Variants in RBM6 observed in about 807,000 individuals in gnomAD.
The protein encoded by RBM6 is RNA binding motif protein 6, also known as RNA-binding protein 6.
In RBM6, 23 loss-of-function variants were observed where a neutral mutation model predicts 140.4. The ratio of observed to expected loss-of-function variants is 0.16; its 90% CI spans 0.12 to 0.23. The LOEUF is 0.23. Ranked by LOEUF, RBM6 falls within the 10% of genes least tolerant of loss-of-function variation. The pLI is 1.00. For missense variants in RBM6, 1,139 were observed against 1,386.7 expected (o/e 0.82, Z 2.84); for synonymous variants, 439 against 475.6 (o/e 0.92, Z 1.00).
At chr3:49,998,287 C>G (rs545386160) in intron 5 of RBM6, among the ~76,000 whole-genome samples, 1 of 152,274 alleles carries the variant, frequency 6.6e-6, no homozygotes, top group Non-Finnish European at 1.5e-5. Flanking sequence ...GCAGTGATAT[C>G]AGTTTCCTAT....
chr3:50,068,890 G>A, intron 18 of RBM6, 126 bp downstream of exon 18: 4 of 718,066 alleles, frequency 5.6e-6, no homozygotes, highest in Non-Finnish European at 9.2e-6. Flanking sequence ...AAAAGATAGT[G>A]CATACATTTG....
chr3:50,025,251 C>T lies in RBM6; in HGVS notation c.1558-22994C>T, dbSNP rs144945004. On this transcript the variant is annotated intron_variant, in intron 6 of 20. Transcript: ENST00000266022. ...CAGCCTGGCTAACATGGCGAAACCC[C>T]GTCTTTTCTAAAAATACAAAAATTA... 6.6e-5 allele frequency among the ~76,000 whole-genome samples: 10 copies of T among 151,854 alleles called. No homozygotes were observed. The East Asian group carries it at 1.2e-3, about 18-fold the overall frequency.
chr3:50,008,420 C>T (rs759488602), intron 6 of RBM6, among the ~76,000 whole-genome samples: 28 of 152,168 alleles, frequency 1.8e-4, no homozygotes, highest in Non-Finnish European at 3.1e-4. Context: ...CGTACAAAGG[C>T]ATAGTTCAGT....
At position 49,991,135 on chromosome 3, in the gene RBM6, T is replaced by TACTTA. The variant is rs567512621; in HGVS notation, c.1484-8304_1484-8300dup. 1.2e-4 allele frequency among the ~76,000 whole-genome samples: 18 copies of TACTTA among 152,254 alleles called. No individual in the cohort carries two copies. The East Asian group carries it at 2.3e-3, about 20-fold the overall frequency. On this transcript the variant is annotated intron_variant, in intron 5 of 20. Coordinates refer to ENST00000266022, the MANE Select transcript of RBM6 (RefSeq NM_005777.3). ...TATGGCTGCAAAAAACTCAGAGAAA[T>TACTTA]ACTTATGTTTATCAGTTTTTTATAA...
At chr3:50,045,732 G>T (rs2089188243) in intron 6 of RBM6, among the ~76,000 whole-genome samples, 1 of 152,006 alleles carries the variant, frequency 6.6e-6, no homozygotes, top group Non-Finnish European at 1.5e-5. Context: ...GGTTCCTAGG[G>T]CTTATAATGA....
At chr3:49,970,072 T>C (rs2084719446) in intron 3 of RBM6, among the ~76,000 whole-genome samples, 1 of 152,032 alleles carries the variant, frequency 6.6e-6, no homozygotes, top group Non-Finnish European at 1.5e-5. Context: ...TCCTGAGTAG[T>C]TGGGACTGTA....
At chr3:50,072,509 A>AGGCT (rs913025685) in intron 19 of RBM6, among the ~76,000 whole-genome samples, 3 of 152,146 alleles carry the variant, frequency 2.0e-5, no homozygotes, top group Non-Finnish European at 4.4e-5. Context: ...GCCCTTGAGG[A>AGGCT]GGCTGGACAG....
chr3:49,954,161 C>T (rs1042362792), intron 1 of RBM6, among the ~76,000 whole-genome samples: 5 of 151,514 alleles, frequency 3.3e-5, no homozygotes, highest in East Asian at 3.9e-4. Flanking sequence ...ATTTATAGGC[C>T]GGGCGCAATG....
At chr3:50,072,935 C>G (rs1196490884) in intron 19 of RBM6, among the ~76,000 whole-genome samples, 1 of 152,158 alleles carries the variant, frequency 6.6e-6, no homozygotes, top group Non-Finnish European at 1.5e-5. Flanking sequence ...GTCACCTTTT[C>G]TGCTCCTCTT....
intron 6 of RBM6, among the ~76,000 whole-genome samples, chr3:50,031,821 A>T (rs1180452202): frequency 1.3e-5 from 2 of 152,212 alleles, no homozygotes; most frequent in Non-Finnish European, 2.9e-5. Flanking sequence ...AAAGAAAAAA[A>T]TAAAATAATG....
At chr3:49,995,527 C>G (rs1048864086) in intron 5 of RBM6, among the ~76,000 whole-genome samples, 1 of 136,098 alleles carries the variant, frequency 7.3e-6, no homozygotes, top group African/African-American at 2.8e-5. Context: ...GCCTGGGTGA[C>G]AAAGCAAGAC....
At chr3:50,011,460 G>A (rs2086847663) in intron 6 of RBM6, among the ~76,000 whole-genome samples, 2 of 152,152 alleles carry the variant, frequency 1.3e-5, no homozygotes, top group South Asian at 4.1e-4. Flanking sequence ...GAAATCCTTG[G>A]ACTAATTTTT....
chr3:50,058,686 G>A (rs2089814704), intron 10 of RBM6, 124 bp downstream of exon 10: 2 of 967,692 alleles, frequency 2.1e-6, no homozygotes, highest in Non-Finnish European at 3.1e-6. Context: ...AGGCCGAGGT[G>A]GGTGGATCAC....
At chr3:50,070,241 G>A (rs1318408442) in intron 18 of RBM6, among the ~76,000 whole-genome samples, 1 of 152,122 alleles carries the variant, frequency 6.6e-6, no homozygotes, top group Non-Finnish European at 1.5e-5. Context: ...TGTAGTCCCA[G>A]CTACTTGGGA....
At chr3:50,001,964 C>T (rs1176542611) in intron 6 of RBM6, among the ~76,000 whole-genome samples, 2 of 152,190 alleles carry the variant, frequency 1.3e-5, no homozygotes, top group Non-Finnish European at 1.5e-5. Flanking sequence ...TAAGTTGTGA[C>T]TCTTGGCGAA....
Position 49,961,697 on chromosome 3 carries a change from G to C in RBM6, c.-66-879G>C, listed in dbSNP as rs192600504. Among the ~76,000 whole-genome samples the C allele has an allele frequency of 3.2e-3, 494 of 152,038 alleles. 4 individuals are homozygous for C. Among genetic ancestry groups the C allele is most frequent in the African/African-American group, 0.012 (484 of 41,494 alleles). Reference sequence around the variant, plus strand: ...GCCTGTAGTCCCAGCTACTCGGGAGGCTGAGGCAGAAGAATCGCTCGAACC... The same window carrying C: ...GCCTGTAGTCCCAGCTACTCGGGAGCCTGAGGCAGAAGAATCGCTCGAACC... On this transcript the variant is annotated intron_variant, in intron 1 of 20. Coordinates refer to ENST00000266022, the MANE Select transcript of RBM6 (RefSeq NM_005777.3).
chr3:50,066,124 A>T, intron 16 of RBM6, 118 bp from the exon 17 acceptor site: 1 of 1,108,486 alleles, frequency 9.0e-7, no homozygotes, highest in Non-Finnish European at 1.3e-6. Context: ...CAGCATGGCT[A>T]GTGAGTTTAT....
chr3:50,017,663 C>T (rs570524934), intron 6 of RBM6, among the ~76,000 whole-genome samples: 1 of 151,962 alleles, frequency 6.6e-6, no homozygotes, highest in African/African-American at 2.4e-5. Flanking sequence ...GTTCTTTGTA[C>T]ATTTTGGATA....
intron 1 of RBM6, among the ~76,000 whole-genome samples, chr3:49,961,087 A>G (rs2084260499): frequency 1.3e-5 from 2 of 151,500 alleles, no homozygotes; most frequent in South Asian, 4.2e-4. Flanking sequence ...TTTTGTATAT[A>G]TATTTTTTAA....
Sources: allele counts gnomAD v4.1 joint callset (sites outside exome capture counted in the v4.1 genomes callset), GRCh38; gene constraint gnomAD v4.1.1; transcripts MANE v1.5; gene names NCBI Gene and HGNC (gene_info 2026-07-23, HGNC 2026-07-21).